Variants in HDAC9 observed in about 807,000 individuals in gnomAD.
HDAC9 encodes the protein MEF-2 interacting transcription repressor (MITR) protein.
In HDAC9, 41 loss-of-function variants were observed where a neutral mutation model predicts 139.4. The observed-to-expected ratio is 0.29, with a 90% CI of 0.23 to 0.38. HDAC9 has a LOEUF of 0.38. Ranked by LOEUF, HDAC9 falls within the 10% of genes least tolerant of loss-of-function variation. The pLI, the probability that HDAC9 is intolerant of heterozygous loss-of-function variation, is 1.00. For synonymous variants in HDAC9, 517 were observed against 476.2 expected, an observed-to-expected ratio of 1.09 and a Z score of -1.12; for missense variants, 1,147 against 1,297.0, an observed-to-expected ratio of 0.88 and a Z score of 1.78.
intron 6 of HDAC9, among the ~76,000 whole-genome samples, chr7:18,620,040 T>C (rs1212123363): frequency 6.6e-6 from 1 of 152,190 alleles, no homozygotes; most frequent in Non-Finnish European, 1.5e-5. Flanking sequence ...AAAGACTCTC[T>C]GTCTTTTCTC....
At chr7:18,090,662 G>A (rs962471548) in intron 1 of HDAC9, among the ~76,000 whole-genome samples, 1 of 152,198 alleles carries the variant, frequency 6.6e-6, no homozygotes, top group African/African-American at 2.4e-5. Context: ...ACGGGGGACA[G>A]TAATGGAGTG....
At chr7:18,989,623 C>T (rs1585500331) in intron 25 of HDAC9, among the ~76,000 whole-genome samples, 1 of 151,302 alleles carries the variant, frequency 6.6e-6, no homozygotes, top group Non-Finnish European at 1.5e-5. Context: ...TGGGGAAGTT[C>T]TCCTGGATAA....
intron 2 of HDAC9, among the ~76,000 whole-genome samples, chr7:18,553,623 T>C (rs942499505): frequency 6.6e-6 from 1 of 152,208 alleles, no homozygotes; most frequent in Admixed American, 6.5e-5. Context: ...GGGATTTAAG[T>C]CACAATTATT....
chr7:18,382,752 G>A (rs992797159), intron 1 of HDAC9, among the ~76,000 whole-genome samples: 1 of 152,120 alleles, frequency 6.6e-6, no homozygotes, highest in Admixed American at 6.5e-5. Context: ...ACATATAAAA[G>A]TAATAATTTT....
intron 1 of HDAC9, among the ~76,000 whole-genome samples, chr7:18,392,215 T>A (rs1406247209): frequency 6.6e-6 from 1 of 151,942 alleles, no homozygotes; most frequent in Non-Finnish European, 1.5e-5. Context: ...GATCCACAAG[T>A]GTGCTGTGAA....
rs564250531 is a variant in HDAC9 at position 18,474,671 on chromosome 7, A to G, written c.-41-21591A>G. On this transcript the variant is annotated intron_variant, in intron 1 of 3. Coordinates refer to the HDAC9 transcript ENST00000413509. The stretch of plus-strand genomic sequence containing the variant: ...TATCTTGAGCTGAGATTCATATTCT[A>G]TGGTTTCAGGGTATTAGTGAACTAC... Among the ~76,000 whole-genome samples the G allele has an allele frequency of 5.3e-5, 8 of 152,298 alleles. No individual in the cohort carries two copies. The East Asian group carries it at 7.7e-4, about 15-fold the overall frequency.
intron 2 of HDAC9, among the ~76,000 whole-genome samples, chr7:18,201,600 G>C (rs570181909): frequency 6.6e-6 from 1 of 152,290 alleles, no homozygotes; most frequent in South Asian, 2.1e-4. Flanking sequence ...GGAACCAAGG[G>C]CCTCCTGCCA....
chr7:18,711,203 A>C (rs966304074), intron 12 of HDAC9, among the ~76,000 whole-genome samples: 1 of 152,210 alleles, frequency 6.6e-6, no homozygotes, highest in Non-Finnish European at 1.5e-5. Context: ...TAAGTAACTT[A>C]TCTGTCATCG....
chr7:18,901,381 C>T (rs943134699), intron 22 of HDAC9, among the ~76,000 whole-genome samples: 3 of 151,832 alleles, frequency 2.0e-5, no homozygotes, highest in Non-Finnish European at 2.9e-5. Flanking sequence ...TTCCAAACGC[C>T]TGTTATTTGT....
chr7:18,928,072 T>G (rs1287024376), intron 22 of HDAC9, among the ~76,000 whole-genome samples: 1 of 152,208 alleles, frequency 6.6e-6, no homozygotes, highest in Non-Finnish European at 1.5e-5. Context: ...GGTATCTTTC[T>G]CTGAGAATTG....
intron 1 of HDAC9, among the ~76,000 whole-genome samples, chr7:18,350,062 TC>T (rs1782736046): frequency 6.6e-6 from 1 of 152,148 alleles, no homozygotes; most frequent in Non-Finnish European, 1.5e-5. Flanking sequence ...AGGTTTTTTC[TC>T]CCTCTTGTTA....
chr7:18,249,513 A>AC (rs1172203612), intron 2 of HDAC9, among the ~76,000 whole-genome samples: 3 of 148,234 alleles, frequency 2.0e-5, no homozygotes, highest in Admixed American at 6.9e-5. Flanking sequence ...AAAAAAAAAA[A>AC]AAAAAAAAAA....
Position 18,874,069 on chromosome 7 carries a change from A to C in HDAC9, c.2685-409A>C, listed in dbSNP as rs542612147. On this transcript the variant is annotated intron_variant, in intron 21 of 25. Transcript: ENST00000686413. Reference sequence around the variant, plus strand: ...GAAATTTATAGTTCAAATTTACACCAAGTTCTCACTAACTGGAGCAAGCCG... The same window carrying C: ...GAAATTTATAGTTCAAATTTACACCCAGTTCTCACTAACTGGAGCAAGCCG... Among the ~76,000 whole-genome samples the C allele has an allele frequency of 3.9e-5, 6 of 152,108 alleles. No homozygotes were observed. In the East Asian group the frequency reaches 1.2e-3, roughly 29 times the overall value.
At chr7:18,826,316 G>A (rs552360032) in intron 17 of HDAC9, among the ~76,000 whole-genome samples, 1 of 152,162 alleles carries the variant, frequency 6.6e-6, no homozygotes, top group Non-Finnish European at 1.5e-5. Context: ...TGAGGTATGA[G>A]AGAGGAAACA....
intron 1 of HDAC9, among the ~76,000 whole-genome samples, chr7:18,136,613 T>G (rs1229903934): frequency 6.6e-6 from 1 of 152,210 alleles, no homozygotes; most frequent in Non-Finnish European, 1.5e-5. Flanking sequence ...CAGATAGCTG[T>G]AGATATGCGG....
chr7:18,175,779 C>G (rs955576865), intron 2 of HDAC9, among the ~76,000 whole-genome samples: 5 of 130,672 alleles, frequency 3.8e-5, no homozygotes, highest in Non-Finnish European at 8.3e-5. Flanking sequence ...CCCCCCCCCC[C>G]CTTTTTTTAG....
chr7:18,670,046 T>A (rs1795575469), intron 12 of HDAC9, among the ~76,000 whole-genome samples: 1 of 151,798 alleles, frequency 6.6e-6, no homozygotes, highest in Non-Finnish European at 1.5e-5. Context: ...ATATATAGAG[T>A]ATTGTTTTTA....
At chr7:18,912,295 C>G (rs1051829140) in intron 22 of HDAC9, among the ~76,000 whole-genome samples, 5 of 151,894 alleles carry the variant, frequency 3.3e-5, no homozygotes, top group African/African-American at 1.2e-4. Flanking sequence ...CTTTTCTCAG[C>G]TGTGAAAATG....
At chr7:18,368,504 A>G (rs1449913328) in intron 1 of HDAC9, among the ~76,000 whole-genome samples, 1 of 151,908 alleles carries the variant, frequency 6.6e-6, no homozygotes, top group Non-Finnish European at 1.5e-5. Flanking sequence ...TCTCATGTAC[A>G]CTATGTTTAT....
Sources: allele counts gnomAD v4.1 joint callset (sites outside exome capture counted in the v4.1 genomes callset), GRCh38; gene constraint gnomAD v4.1.1; transcripts MANE v1.5; gene names NCBI Gene and HGNC (gene_info 2026-07-23, HGNC 2026-07-21).